Variants in GNL2 observed in about 807,000 individuals in gnomAD.
GNL2 encodes the protein nucleolar GTP-binding protein 2.
Under a neutral mutation model 92.3 loss-of-function variants are expected in GNL2, and 51 were observed. The ratio of observed to expected loss-of-function variants is 0.55; its 90% CI spans 0.44 to 0.70. The LOEUF (loss-of-function observed/expected upper bound fraction) is 0.70. Ranked by LOEUF, GNL2 falls within the 30% of genes least tolerant of loss-of-function variation. The pLI, the probability that GNL2 is intolerant of heterozygous loss-of-function variation, is 0.00. For synonymous variants in GNL2, 283 were observed against 300.6 expected (o/e 0.94, Z 0.61); for missense variants, 844 against 895.6 (o/e 0.94, Z 0.74).
chr1:37,568,970 C>T lies in GNL2; in HGVS notation c.1749G>A (p.Glu583=). 1 of 1,613,512 alleles carries T rather than the reference C, an allele frequency of 6.2e-7. No individual in the cohort carries two copies. ...CGTTTCCCACATTTTCCTCCTCAGG[C>T]TCCGAGGAAGACTCTTCCGCATCAT... ...QRDDAEESSS[E]PEEENVGNDT... Residue 583 remains glutamate (E), a synonymous_variant, in exon 13 of 16, where the codon GAG becomes GAA. Coordinates refer to ENST00000373062, the MANE Select transcript of GNL2 (RefSeq NM_013285.3).
chr1:37,593,513 CAG>C (rs1476728255), intron 2 of GNL2: 12 of 441,050 alleles, frequency 2.7e-5, no homozygotes, highest in Non-Finnish European at 4.8e-5. Context: ...TTGTGGAGGT[CAG>C]GGCTGTGAGA....
At chr1:37,585,082 C>T (rs1217108542) in intron 5 of GNL2, among the ~76,000 whole-genome samples, 3 of 65,586 alleles carry the variant, frequency 4.6e-5, no homozygotes, top group Admixed American at 3.4e-4. Context: ...TTTTTTGAGA[C>T]GGAGTCTCGC....
At position 37,575,639 on chromosome 1, in the gene GNL2, A is replaced by G; in HGVS notation, c.1099T>C (p.Tyr367His). The G allele has an allele frequency of 6.2e-7, 1 of 1,601,540 alleles. No individual in the cohort carries two copies. The highest frequency in any genetic ancestry group is 8.5e-7 in the Non-Finnish European group (1 of 1,175,914). The change falls in exon 10 of 16, where the codon TAC becomes CAC. Residue 367 changes from tyrosine (Y) to histidine (H), a missense_variant. Transcript: ENST00000373062. This position sits in a 1 kb window ranked among gnomAD's most constrained non-coding sequence, Gnocchi z 4.1. ...IFLIDCPGVVYPSEDSETDIV... is the reference protein window; with the variant it reads ...IFLIDCPGVVHPSEDSETDIV... The stretch of plus-strand genomic sequence containing the variant: ...TCTGTCTCGGAGTCCTCAGAGGGGT[A>G]AACCACACCTGGACAGTCAATCAGG...
chr1:37,588,112 C>T (rs1343245824), intron 4 of GNL2, among the ~76,000 whole-genome samples: 2 of 152,098 alleles, frequency 1.3e-5, no homozygotes, highest in East Asian at 1.9e-4. Context: ...GGATGAAAAA[C>T]ATCTAGCAAA....
chr1:37,582,398 G>A, intron 7 of GNL2, 62 bp from the exon 8 acceptor site: 1 of 947,818 alleles, frequency 1.1e-6, no homozygotes, highest in Non-Finnish European at 1.6e-6. Flanking sequence ...TTATGTGGAA[G>A]AATCAGAGCT....
chr1:37,595,705 C>T, intron 1 of GNL2, 54 bp downstream of exon 1: 1 of 1,470,798 alleles, frequency 6.8e-7, no homozygotes, highest in Non-Finnish European at 9.5e-7. Context: ...CTCCTCGGAG[C>T]CCTTCCCTAT....
chr1:37,582,368 C>T, intron 7 of GNL2, 32 bp from the exon 8 acceptor site: 2 of 1,300,598 alleles, frequency 1.5e-6, no homozygotes, highest in Non-Finnish European at 2.2e-6. Context: ...TTTTGGTAAA[C>T]TGCAGTACAT....
At chr1:37,594,170 T>A (rs1643907007) in intron 1 of GNL2, 1 of 201,678 alleles carries the variant, frequency 5.0e-6, no homozygotes, top group Admixed American at 5.9e-5. Context: ...AGATATATTA[T>A]CCCCATGCTG....
intron 3 of GNL2, among the ~76,000 whole-genome samples, chr1:37,591,830 T>C (rs1180504581): frequency 1.3e-5 from 2 of 152,198 alleles, no homozygotes; most frequent in African/African-American, 2.4e-5. Flanking sequence ...TTGATTACCA[T>C]GACAGTCTTA....
chr1:37,578,494 G>A (rs373998932), intron 8 of GNL2, among the ~76,000 whole-genome samples: 5 of 149,062 alleles, frequency 3.4e-5, no homozygotes, highest in African/African-American at 1.2e-4. Flanking sequence ...ACCTTACAAT[G>A]AAGTCTATCA....
chr1:37,583,826 C>T, intron 6 of GNL2, 41 bp downstream of exon 6: 1 of 1,146,802 alleles, frequency 8.7e-7, no homozygotes, highest in Non-Finnish European at 1.3e-6. Context: ...ATCATGAAAG[C>T]CCAAGGAACC....
At chr1:37,581,939 A>G (rs936057682) in intron 8 of GNL2, among the ~76,000 whole-genome samples, 3 of 151,520 alleles carry the variant, frequency 2.0e-5, no homozygotes, top group Admixed American at 2.0e-4. Flanking sequence ...CTGGGATTAC[A>G]GGTGTGAGCC....
At chr1:37,568,620 C>G (rs1479377399) in intron 13 of GNL2, among the ~76,000 whole-genome samples, 1 of 152,194 alleles carries the variant, frequency 6.6e-6, no homozygotes, top group Non-Finnish European at 1.5e-5. Flanking sequence ...TGGTGCACAC[C>G]TGTAGTCACA....
intron 4 of GNL2, among the ~76,000 whole-genome samples, chr1:37,590,170 G>A (rs756941837): frequency 1.3e-5 from 2 of 152,018 alleles, no homozygotes; most frequent in African/African-American, 2.4e-5. Flanking sequence ...GCAATGGCAC[G>A]ATCTTGGCTC....
chr1:37,582,706 G>A (rs1643790388), intron 7 of GNL2, 72 bp downstream of exon 7: 1 of 1,222,286 alleles, frequency 8.2e-7, no homozygotes, highest in Admixed American at 2.0e-5. Flanking sequence ...CAACACTTTA[G>A]CCTAAAAGCC....
At chr1:37,590,470 G>A (rs563296324) in intron 4 of GNL2, among the ~76,000 whole-genome samples, 1 of 152,214 alleles carries the variant, frequency 6.6e-6, no homozygotes, top group Non-Finnish European at 1.5e-5. Context: ...GGCACAGGAA[G>A]GGATAGAGCA....
intron 4 of GNL2, among the ~76,000 whole-genome samples, chr1:37,590,452 C>T (rs1197469637): frequency 6.6e-6 from 1 of 152,158 alleles, no homozygotes; most frequent in Non-Finnish European, 1.5e-5. Context: ...TGGAGAAACC[C>T]AACTAAGGGC....
chr1:37,573,898 T>C (rs972956648), intron 12 of GNL2, among the ~76,000 whole-genome samples: 20 of 152,156 alleles, frequency 1.3e-4, no homozygotes, highest in African/African-American at 4.8e-4. Context: ...CAAAAAAATT[T>C]TTTTTTATTT....
intron 13 of GNL2, 120 bp from the exon 14 acceptor site, chr1:37,568,477 C>T (rs965738626): frequency 6.0e-6 from 4 of 661,528 alleles, no homozygotes; most frequent in Admixed American, 5.4e-5. Flanking sequence ...GTAGTTATCA[C>T]CAGTGGAAGA....
Sources: gnomAD v4.1 joint callset for allele counts (sites outside exome capture counted in the v4.1 genomes callset) on GRCh38, gnomAD v4.1.1 for gene constraint, Gnocchi (gnomAD v3.1) non-coding constraint, MANE v1.5 for transcripts, NCBI Gene and HGNC (gene_info 2026-07-23, HGNC 2026-07-21) for gene names.